Variants in SDK1 observed in about 807,000 individuals in gnomAD.
SDK1 encodes protein sidekick-1.
Under a neutral mutation model 245.5 loss-of-function variants are expected in SDK1, and 157 were observed. The ratio of observed to expected loss-of-function variants is 0.64; its 90% CI spans 0.56 to 0.73. SDK1 has a LOEUF of 0.73. Ranked by LOEUF, SDK1 falls within the 30% of genes least tolerant of loss-of-function variation. SDK1 has a pLI of 0.00. For missense variants in SDK1, 3,583 were observed against 3,002.3 expected (o/e 1.19, Z -4.52); for synonymous variants, 1,647 against 1,278.5 (o/e 1.29, Z -6.15).
At chr7:3,402,813 G>A (rs1286824777) in intron 1 of SDK1, among the ~76,000 whole-genome samples, 1 of 152,144 alleles carries the variant, frequency 6.6e-6, no homozygotes, top group Non-Finnish European at 1.5e-5. Flanking sequence ...ACAGTAGATT[G>A]CATTATAGCT....
intron 11 of SDK1, 25 bp from the exon 12 acceptor site, chr7:3,971,441 G>C (rs747181397): frequency 1.3e-6 from 2 of 1,535,568 alleles, no homozygotes; most frequent in Non-Finnish European, 1.8e-6. Flanking sequence ...CATTTCGTCT[G>C]ACTCGTGACT....
At position 3,687,058 on chromosome 7, in the gene SDK1, C is replaced by A. The variant is rs940523844; in HGVS notation, c.713+44953C>A. On this transcript the variant is annotated intron_variant, in intron 4 of 44. Transcript: ENST00000404826. ...AAACTGGGTTGGGATAGCATCAAAA[C>A]ACACACACACACACACACACACACA... 4.4e-5 allele frequency among the ~76,000 whole-genome samples: 4 copies of A among 91,072 alleles called. No homozygotes were observed. In the South Asian group the frequency reaches 1.1e-3, roughly 25 times the overall value. The allele number at this position is 91,072 out of a possible 152,430, so 59.7% of individuals were successfully genotyped here.
chr7:4,215,465 C>T (rs1337708570), intron 38 of SDK1, among the ~76,000 whole-genome samples: 5 of 152,240 alleles, frequency 3.3e-5, no homozygotes, highest in Admixed American at 3.3e-4. Context: ...CCCTGGTCCT[C>T]CTGCTGCCCT....
chr7:3,641,680 G>A (rs2128652066), intron 3 of SDK1, among the ~76,000 whole-genome samples: 1 of 152,350 alleles, frequency 6.6e-6, no homozygotes, highest in Non-Finnish European at 1.5e-5. Context: ...GTCACAGACA[G>A]TTGCAGACAT....
intron 1 of SDK1, among the ~76,000 whole-genome samples, chr7:3,599,300 C>A (rs916780505): frequency 6.6e-6 from 1 of 151,848 alleles, no homozygotes; most frequent in East Asian, 1.9e-4. Context: ...ATATCTTTTG[C>A]TCATTTTCTA....
intron 1 of SDK1, among the ~76,000 whole-genome samples, chr7:3,399,134 CTTTTCATTTTT>C (rs1778814159): frequency 6.7e-6 from 1 of 149,586 alleles, no homozygotes; most frequent in African/African-American, 2.6e-5. Flanking sequence ...GCCAGAGATT[CTTTTCATTTTT>C]TTTTCATAAT....
At chr7:3,304,545 G>A (rs1490854680) in intron 1 of SDK1, among the ~76,000 whole-genome samples, 1 of 152,164 alleles carries the variant, frequency 6.6e-6, no homozygotes, top group Non-Finnish European at 1.5e-5. Context: ...CCATGGGGCT[G>A]TTTGTTCATA....
At position 3,727,831 on chromosome 7, in the gene SDK1, A is replaced by T. The variant is rs1379816003; in HGVS notation, c.713+85726A>T. On this transcript the variant is annotated intron_variant, in intron 4 of 44. Coordinates refer to ENST00000404826, the MANE Select transcript of SDK1 (RefSeq NM_152744.4). ...GAGTCACCAGGAATAAAATATATTA[A>T]CCAAGCGAGGTCCACCGTTTATTCA... Among the ~76,000 whole-genome samples the T allele has an allele frequency of 2.6e-5, 4 of 152,106 alleles. No individual in the cohort carries two copies. In the East Asian group the frequency reaches 7.7e-4, roughly 29 times the overall value.
At chr7:3,895,633 T>G (rs557327163) in intron 5 of SDK1, among the ~76,000 whole-genome samples, 26 of 141,238 alleles carry the variant, frequency 1.8e-4, no homozygotes, top group South Asian at 1.6e-3. Flanking sequence ...TCCTGAGGCT[T>G]CTTCTTCTTC....
intron 1 of SDK1, among the ~76,000 whole-genome samples, chr7:3,487,770 A>G (rs867040741): frequency 2.6e-5 from 4 of 151,482 alleles, no homozygotes; most frequent in African/African-American, 7.3e-5. Flanking sequence ...AAAAAAAAAA[A>G]AAAAAAGAAA....
intron 35 of SDK1, among the ~76,000 whole-genome samples, chr7:4,204,356 G>A (rs1784070972): frequency 6.6e-6 from 1 of 152,168 alleles, no homozygotes; most frequent in African/African-American, 2.4e-5. Flanking sequence ...TGATAATGAG[G>A]CTGAGCATCT....
intron 1 of SDK1, among the ~76,000 whole-genome samples, chr7:3,489,775 G>A (rs1371130789): frequency 6.6e-6 from 1 of 152,180 alleles, no homozygotes; most frequent in Non-Finnish European, 1.5e-5. Flanking sequence ...AGATGAGATG[G>A]TCCTATTAAA....
At chr7:3,598,459 C>A (rs971971607) in intron 1 of SDK1, among the ~76,000 whole-genome samples, 9 of 152,042 alleles carry the variant, frequency 5.9e-5, no homozygotes, top group Non-Finnish European at 1.5e-5. Context: ...ACACAGAGAT[C>A]CCGTGTACCC....
chr7:4,150,898 T>C (rs911835600), intron 30 of SDK1, among the ~76,000 whole-genome samples: 1 of 152,236 alleles, frequency 6.6e-6, no homozygotes, highest in Admixed American at 6.5e-5. Context: ...ACCGGGCGTC[T>C]CAGTACAGAG....
At chr7:3,939,176 T>G (rs1780268039) in intron 5 of SDK1, among the ~76,000 whole-genome samples, 1 of 152,210 alleles carries the variant, frequency 6.6e-6, no homozygotes, top group Non-Finnish European at 1.5e-5. Context: ...GGGAATTTTT[T>G]GGGATTAGAT....
intron 1 of SDK1, among the ~76,000 whole-genome samples, chr7:3,332,062 C>G (rs368554442): frequency 6.6e-6 from 1 of 152,106 alleles, no homozygotes. Context: ...GGTGTTGAAT[C>G]TGTTTCAGGT....
intron 4 of SDK1, among the ~76,000 whole-genome samples, chr7:3,707,525 C>T (rs1179525520): frequency 2.0e-5 from 3 of 152,140 alleles, no homozygotes; most frequent in South Asian, 2.1e-4. Flanking sequence ...TGTGTATCTG[C>T]AGTTCTTGGG....
chr7:3,893,706 A>G (rs755922511), intron 5 of SDK1, among the ~76,000 whole-genome samples: 61 of 151,080 alleles, frequency 4.0e-4, no homozygotes, highest in Non-Finnish European at 6.3e-4. Flanking sequence ...ATGGCATTCT[A>G]GATGTCTCCA....
chr7:4,062,794 G>A (rs1433749605), intron 19 of SDK1, among the ~76,000 whole-genome samples: 1 of 152,124 alleles, frequency 6.6e-6, no homozygotes, highest in East Asian at 1.9e-4. Flanking sequence ...TGCAAGGATG[G>A]TTCAACATAT....
Sources: allele counts gnomAD v4.1 joint callset (sites outside exome capture counted in the v4.1 genomes callset), GRCh38; gene constraint gnomAD v4.1.1; transcripts MANE v1.5; gene names NCBI Gene and HGNC (gene_info 2026-07-23, HGNC 2026-07-21).